The following PTGER3 variants were observed in gnomAD, a reference collection of about 807,000 sequenced individuals.
PTGER3 encodes prostaglandin E receptor 3, also known as prostaglandin E2 receptor EP3 subtype.
In PTGER3, 22 loss-of-function variants were observed where a neutral mutation model predicts 34.7. The ratio of observed to expected loss-of-function variants is 0.63; its 90% CI spans 0.45 to 0.91. The LOEUF is 0.91. PTGER3 is among the 40% of genes least tolerant of loss of function. The pLI is 0.00. For synonymous variants in PTGER3, 241 were observed against 230.1 expected (o/e 1.05, Z -0.43); for missense variants, 468 against 519.4 (o/e 0.90, Z 0.96).
chr1:70,861,056 G>C (rs1294837206), intron 4 of PTGER3, among the ~76,000 whole-genome samples: 1 of 152,128 alleles, frequency 6.6e-6, no homozygotes, highest in African/African-American at 2.4e-5. Context: ...GATTCCCACT[G>C]ATCTTGTAAG....
chr1:70,891,721 C>T (rs1646621913), intron 4 of PTGER3, among the ~76,000 whole-genome samples: 1 of 152,116 alleles, frequency 6.6e-6, no homozygotes, highest in South Asian at 2.1e-4. Flanking sequence ...GCATAGCATT[C>T]TTCTTCTCTA....
chr1:70,986,319 T>C (rs1654911138), intron 2 of PTGER3, among the ~76,000 whole-genome samples: 1 of 152,190 alleles, frequency 6.6e-6, no homozygotes, highest in South Asian at 2.1e-4. Flanking sequence ...TTGCTTTCAC[T>C]TTACTCTGTA....
chr1:70,987,941 T>A (rs1655077467), intron 2 of PTGER3, among the ~76,000 whole-genome samples: 1 of 152,210 alleles, frequency 6.6e-6, no homozygotes, highest in African/African-American at 2.4e-5. Context: ...AAAAATGTTT[T>A]ATTGTTAAAC....
chr1:71,010,677 A>G, intron 2 of PTGER3: 1 of 984,084 alleles, frequency 1.0e-6, no homozygotes, highest in Non-Finnish European at 1.2e-6. Flanking sequence ...ATTCTATGGC[A>G]TAGAGAGATT....
chr1:70,894,110 C>T (rs1366950468), intron 4 of PTGER3, among the ~76,000 whole-genome samples: 1 of 151,936 alleles, frequency 6.6e-6, no homozygotes, highest in Non-Finnish European at 1.5e-5. Flanking sequence ...GATTTCTAGA[C>T]CAGCCTGGCC....
chr1:70,889,019 A>G (rs995043515), intron 4 of PTGER3, among the ~76,000 whole-genome samples: 8 of 152,148 alleles, frequency 5.3e-5, no homozygotes, highest in Non-Finnish European at 8.8e-5. Context: ...TGTGGTGTTA[A>G]ATATTTCCTC....
chr1:70,999,691 T>TCC (rs762294458), intron 2 of PTGER3, among the ~76,000 whole-genome samples: 2 of 152,104 alleles, frequency 1.3e-5, no homozygotes, highest in Non-Finnish European at 2.9e-5. Context: ...GTAAGCATTC[T>TCC]CCCAAATTAC....
chr1:70,908,173 A>AT (rs1646988956), intron 4 of PTGER3, among the ~76,000 whole-genome samples: 7 of 152,208 alleles, frequency 4.6e-5, no homozygotes, highest in Admixed American at 3.3e-4. Flanking sequence ...CATAGAGGCA[A>AT]GGTGTCCCCG....
intron 4 of PTGER3, chr1:70,862,275 C>A: frequency 1.7e-6 from 2 of 1,189,990 alleles, no homozygotes; most frequent in South Asian, 1.4e-5. Flanking sequence ...TTAATAGTAA[C>A]TGGTAAGTTC....
In PTGER3 at chr1:70,925,668, A is replaced by G. The variant is rs1282923495; in HGVS notation, c.*23+28095T>C. On this transcript the variant is annotated intron_variant, in intron 4 of 4. Coordinates refer to the PTGER3 transcript ENST00000370931. ...GTTCAAGAACAAACTAAACAACATA[A>G]TATTTATAAATAAATACATATGTTG... is the stretch of plus-strand genomic sequence containing the variant. Among the ~76,000 whole-genome samples, 4 of 152,292 alleles carry G rather than the reference A, an allele frequency of 2.6e-5. No individual in the cohort carries two copies. In the East Asian group the frequency reaches 5.8e-4, roughly 22 times the overall value.
intron 4 of PTGER3, among the ~76,000 whole-genome samples, chr1:70,912,960 G>A (rs543811162): frequency 1.3e-5 from 2 of 151,710 alleles, no homozygotes; most frequent in East Asian, 1.9e-4. Context: ...CCTCTTTTTC[G>A]AAAAATTATC....
At position 70,898,126 on chromosome 1, in the gene PTGER3, T is replaced by G. The variant is rs534654858; in HGVS notation, c.*24-45267A>C. 5.9e-5 allele frequency among the ~76,000 whole-genome samples: 9 copies of G among 152,238 alleles called. No individual in the cohort carries two copies. In the East Asian group the frequency reaches 1.7e-3, roughly 29 times the overall value. On this transcript the variant is annotated intron_variant, in intron 4 of 4. Transcript: ENST00000370931. ...CCAGTCCTTTGCTGGCTCTGGGAAT[T>G]GTCCATTTGAGCCTTGTTGCCCAGC... is the stretch of plus-strand genomic sequence containing the variant.
At chr1:70,965,385 C>A (rs1411205472) in intron 2 of PTGER3, among the ~76,000 whole-genome samples, 1 of 152,082 alleles carries the variant, frequency 6.6e-6, no homozygotes, top group Admixed American at 6.5e-5. Context: ...TGAAGCAATG[C>A]AGATGGGAAA....
rs1486226294 is a variant in PTGER3 at position 70,900,603 on chromosome 1, ATTTC to A, written c.*24-47748_*24-47745del. ...TGTTGAGCATTTCTTTAAAGATCCT[ATTTC>A]TTTCTTGTCCAAGGTGAGATACAAA... is the stretch of plus-strand genomic sequence containing the variant. On this transcript the variant is annotated intron_variant, in intron 4 of 4. Transcript: ENST00000370931. Among the ~76,000 whole-genome samples, 7 of 151,994 alleles carry A rather than the reference ATTTC, an allele frequency of 4.6e-5. No individual in the cohort carries two copies. The South Asian group carries it at 1.2e-3, about 27-fold the overall frequency.
chr1:70,854,438 G>A (rs1045512581), intron 4 of PTGER3, among the ~76,000 whole-genome samples: 4 of 152,124 alleles, frequency 2.6e-5, no homozygotes, highest in African/African-American at 7.2e-5. Flanking sequence ...TGGTGATATG[G>A]TTTGGCTCTG....
chr1:70,949,105 C>T (rs1047153151), downstream of PTGER3, among the ~76,000 whole-genome samples: 14 of 151,952 alleles, frequency 9.2e-5, no homozygotes, highest in South Asian at 4.2e-4. Context: ...GTTTATGCGG[C>T]GGAAGGGAGT....
chr1:70,878,255 GC>G (rs1464027458), intron 4 of PTGER3, among the ~76,000 whole-genome samples: 2 of 152,056 alleles, frequency 1.3e-5, no homozygotes, highest in African/African-American at 4.8e-5. Flanking sequence ...TAGTTTGTAT[GC>G]ATAGAGGTGT....
chr1:71,006,287 G>T, intron 2 of PTGER3: 1 of 985,416 alleles, frequency 1.0e-6, no homozygotes, highest in Non-Finnish European at 1.2e-6. Flanking sequence ...CGAAGAAAGA[G>T]GGATACTTTT....
At chr1:70,943,860 GA>G (rs1194388738) in intron 4 of PTGER3, among the ~76,000 whole-genome samples, 8 of 151,610 alleles carry the variant, frequency 5.3e-5, no homozygotes, top group Admixed American at 5.3e-4. Flanking sequence ...GAGAGAGAGA[GA>G]GAGAGAGAGA....
Sources: gnomAD v4.1 joint callset for allele counts (sites outside exome capture counted in the v4.1 genomes callset) on GRCh38, gnomAD v4.1.1 for gene constraint, MANE v1.5 for transcripts, NCBI Gene and HGNC (gene_info 2026-07-23, HGNC 2026-07-21) for gene names.